The following ANKRD30B variants were observed in gnomAD, a reference collection of about 807,000 sequenced individuals.
ANKRD30B encodes the protein ankyrin repeat domain 30B, also known as ankyrin repeat domain-containing protein 30B.
Under a neutral mutation model 202.2 loss-of-function variants are expected in ANKRD30B, and 144 were observed. The ratio of observed to expected loss-of-function variants is 0.71; its 90% CI spans 0.62 to 0.82. The LOEUF (loss-of-function observed/expected upper bound fraction) is 0.82, where lower values mean the gene tolerates loss of function less well. Ranked by LOEUF, ANKRD30B falls within the 40% of genes least tolerant of loss-of-function variation. ANKRD30B has a pLI of 0.00. For missense variants in ANKRD30B, 1,487 were observed against 1,669.1 expected (o/e 0.89, Z 1.90); for synonymous variants, 508 against 561.3 (o/e 0.91, Z 1.34).
chr18:14,820,311 G>A lies in ANKRD30B; in HGVS notation c.2642-2172G>A, dbSNP rs568248374. ...TATACAATCATGTCGTTTGCAAAGA[G>A]GGACAATTTGACTTCCTCTTTTCCT... On this transcript the variant is annotated intron_variant, in intron 30 of 43. Coordinates refer to ENST00000690538, the MANE Select transcript of ANKRD30B (RefSeq NM_001367607.2). Among the ~76,000 whole-genome samples the A allele has an allele frequency of 1.6e-4, 24 of 152,312 alleles. No homozygotes were observed. In the East Asian group the frequency reaches 4.4e-3, roughly 28 times the overall value.
At chr18:14,749,608 T>C (rs1022380500) in intron 1 of ANKRD30B, among the ~76,000 whole-genome samples, 1 of 130,834 alleles carries the variant, frequency 7.6e-6, no homozygotes, top group Non-Finnish European at 1.6e-5. Flanking sequence ...TAGGTGGAGG[T>C]TGCAGTGAGC....
chr18:14,875,743 C>T, the ANKRD30B span, among the ~76,000 whole-genome samples: 1 of 152,132 alleles, frequency 6.6e-6, no homozygotes, highest in East Asian at 1.9e-4. Flanking sequence ...GTTCTGGGGA[C>T]TGTTTATGAA....
the ANKRD30B span, among the ~76,000 whole-genome samples, chr18:14,914,399 G>A: frequency 1.3e-5 from 2 of 152,162 alleles, no homozygotes; most frequent in Non-Finnish European, 2.9e-5. Flanking sequence ...TGCTTTAACT[G>A]TTATTGAGCT....
intron 16 of ANKRD30B, among the ~76,000 whole-genome samples, chr18:14,793,889 G>C (rs940813243): frequency 2.7e-5 from 4 of 148,200 alleles, no homozygotes; most frequent in South Asian, 2.1e-4. Context: ...GCGAGACACC[G>C]ACAAAAGAAA....
At chr18:14,844,058 T>C (rs1234813235) in intron 39 of ANKRD30B, among the ~76,000 whole-genome samples, 1 of 152,222 alleles carries the variant, frequency 6.6e-6, no homozygotes, top group Non-Finnish European at 1.5e-5. Context: ...TTGTGTAATT[T>C]TCTGTAACAT....
At chr18:14,906,588 C>G in the ANKRD30B span, among the ~76,000 whole-genome samples, 1 of 152,132 alleles carries the variant, frequency 6.6e-6, no homozygotes, top group Non-Finnish European at 1.5e-5. Context: ...AAAGAAAAGT[C>G]TTTCATATTA....
chr18:14,913,599 C>T, the ANKRD30B span, among the ~76,000 whole-genome samples: 4 of 152,180 alleles, frequency 2.6e-5, no homozygotes, highest in Non-Finnish European at 5.9e-5. Context: ...AGGCTTATTA[C>T]GTGGCAAGCC....
chr18:14,895,749 T>C, the ANKRD30B span, among the ~76,000 whole-genome samples: 1 of 152,334 alleles, frequency 6.6e-6, no homozygotes, highest in African/African-American at 2.4e-5. Flanking sequence ...TACATATTGC[T>C]AAGTGAAAGA....
At chr18:14,837,098 T>G (rs1243989832) in intron 34 of ANKRD30B, 113 bp from the exon 35 acceptor site, 8 of 656,644 alleles carry the variant, frequency 1.2e-5, no homozygotes, top group Non-Finnish European at 1.6e-5. Flanking sequence ...AAGTATGTTT[T>G]TTGTTGTTGT....
chr18:14,763,615 G>A (rs1040578975), intron 6 of ANKRD30B, 71 bp from the exon 7 acceptor site: 1 of 1,569,056 alleles, frequency 6.4e-7, no homozygotes, highest in Admixed American at 1.9e-5. Context: ...ATAAGTAGAA[G>A]TTTGCCAGGT....
At chr18:14,849,171 C>A (rs1358793331) in intron 40 of ANKRD30B, among the ~76,000 whole-genome samples, 3 of 151,734 alleles carry the variant, frequency 2.0e-5, no homozygotes, top group Non-Finnish European at 3.0e-5. Flanking sequence ...TTTGGAAATA[C>A]CATTACTTAG....
At chr18:14,761,147 A>G (rs1379240018) in intron 6 of ANKRD30B, among the ~76,000 whole-genome samples, 1 of 152,184 alleles carries the variant, frequency 6.6e-6, no homozygotes, top group African/African-American at 2.4e-5. Context: ...AATAATGGAG[A>G]GTAGGAATTA....
At chr18:14,865,936 A>G in the ANKRD30B span, among the ~76,000 whole-genome samples, 2 of 152,264 alleles carry the variant, frequency 1.3e-5, no homozygotes, top group Middle Eastern at 6.8e-3. Flanking sequence ...TGAGGTTATG[A>G]ATATGCCTTT....
intron 30 of ANKRD30B, chr18:14,816,148 C>G (rs967872036): frequency 1.3e-4 from 20 of 152,168 alleles, no homozygotes; most frequent in African/African-American, 4.3e-4. Context: ...GTATAGCATT[C>G]TACGTTCAGC....
At chr18:14,889,929 G>A in the ANKRD30B span, 1 of 613,268 alleles carries the variant, frequency 1.6e-6, no homozygotes, top group East Asian at 2.9e-5. Context: ...TCAGAATGGT[G>A]AGATATTTCG....
intron 16 of ANKRD30B, among the ~76,000 whole-genome samples, chr18:14,791,772 A>C (rs1968529776): frequency 6.6e-6 from 1 of 152,150 alleles, no homozygotes; most frequent in African/African-American, 2.4e-5. Context: ...AGAGGAAATG[A>C]AGATCGAGAA....
intron 39 of ANKRD30B, among the ~76,000 whole-genome samples, chr18:14,846,698 GT>G (rs1434107005): frequency 6.6e-6 from 1 of 151,846 alleles, no homozygotes; most frequent in African/African-American, 2.4e-5. Context: ...TGCTGGTAAT[GT>G]TTTTGCTGTG....
the ANKRD30B span, among the ~76,000 whole-genome samples, chr18:14,923,033 G>C: frequency 6.6e-6 from 1 of 152,188 alleles, no homozygotes. Context: ...CTGCCTTGAA[G>C]GGAAGAGCTC....
chr18:14,903,492 G>T, the ANKRD30B span: 1 of 152,194 alleles, frequency 6.6e-6, no homozygotes, highest in African/African-American at 2.4e-5. Context: ...GATAGATATT[G>T]TCTTGTGAAA....
Sources: allele counts gnomAD v4.1 joint callset (sites outside exome capture counted in the v4.1 genomes callset), GRCh38; gene constraint gnomAD v4.1.1; transcripts MANE v1.5; gene names NCBI Gene and HGNC (gene_info 2026-07-23, HGNC 2026-07-21).